SNTG1: variants seen among roughly 807,000 people sequenced by gnomAD.
SNTG1 encodes the protein syntrophin gamma 1.
SNTG1 carries 39 observed loss-of-function variants against 74.7 expected under a neutral mutation model. That is an observed-to-expected ratio of 0.52 (90% CI 0.40 to 0.68). The LOEUF (loss-of-function observed/expected upper bound fraction) is 0.68, where lower values mean the gene tolerates loss of function less well. SNTG1 is among the 30% of genes least tolerant of loss of function. The pLI is 0.00. For synonymous variants in SNTG1, 254 were observed against 217.1 expected, an observed-to-expected ratio of 1.17 and a Z score of -1.49; for missense variants, 685 against 609.5, an observed-to-expected ratio of 1.12 and a Z score of -1.30.
At chr8:50,764,418 A>T (rs1415555317) in intron 18 of SNTG1, among the ~76,000 whole-genome samples, 1 of 151,970 alleles carries the variant, frequency 6.6e-6, no homozygotes, top group African/African-American at 2.4e-5. Flanking sequence ...AAACAACTTC[A>T]AAGTACAAAA....
rs185038726 is a variant in SNTG1 at position 50,011,304 on chromosome 8, G to T, written c.-103+99073G>T. Among the ~76,000 whole-genome samples, 22 of 152,058 alleles carry T rather than the reference G, an allele frequency of 1.4e-4. 1 individual carries two copies. Among genetic ancestry groups the T allele is most frequent in the Non-Finnish European group, 2.9e-5 (2 of 68,008 alleles). On this transcript the variant is annotated intron_variant, in intron 1 of 18. Transcript: ENST00000642720. ...AGCAAATAAAATTTTAAAATACCCC[G>T]TTAAAGATTCTTGAAGGATGAAAAT...
intron 4 of SNTG1, among the ~76,000 whole-genome samples, chr8:50,406,736 T>C (rs1012606655): frequency 3.3e-5 from 5 of 152,220 alleles, no homozygotes; most frequent in African/African-American, 1.2e-4. Flanking sequence ...GAGGCAGTTT[T>C]GAATGTTATC....
chr8:50,258,974 T>C (rs1021705678), intron 2 of SNTG1, among the ~76,000 whole-genome samples: 19 of 151,778 alleles, frequency 1.3e-4, no homozygotes, highest in African/African-American at 4.1e-4. Context: ...ACAGGAAAAA[T>C]GAAAAGAGAC....
At chr8:50,023,033 A>T (rs1261449959) in intron 1 of SNTG1, among the ~76,000 whole-genome samples, 1 of 152,216 alleles carries the variant, frequency 6.6e-6, no homozygotes, top group Non-Finnish European at 1.5e-5. Context: ...AATATACGAT[A>T]GGAAAACTAT....
chr8:50,427,754 A>T (rs2093181561), intron 4 of SNTG1, among the ~76,000 whole-genome samples: 1 of 151,888 alleles, frequency 6.6e-6, no homozygotes, highest in Admixed American at 6.5e-5. Flanking sequence ...AATAATTTAA[A>T]AATATTCTCA....
intron 4 of SNTG1, among the ~76,000 whole-genome samples, chr8:50,424,818 A>G (rs2093141036): frequency 6.6e-6 from 1 of 152,230 alleles, no homozygotes; most frequent in African/African-American, 2.4e-5. Context: ...TTCAAAAGCC[A>G]TTTAGGAGCT....
chr8:50,630,049 C>A (rs986908849), intron 13 of SNTG1, among the ~76,000 whole-genome samples: 1 of 152,092 alleles, frequency 6.6e-6, no homozygotes, highest in Non-Finnish European at 1.5e-5. Flanking sequence ...CAATTACTTT[C>A]AAGATTAAAT....
chr8:50,465,553 T>C (rs59627318), intron 8 of SNTG1, among the ~76,000 whole-genome samples: 4,809 of 152,276 alleles, frequency 0.032, 249 homozygotes, highest in African/African-American at 0.11. Flanking sequence ...TGTTACAATG[T>C]CATACAGAAT....
intron 1 of SNTG1, among the ~76,000 whole-genome samples, chr8:50,014,082 G>A (rs1395919188): frequency 1.3e-5 from 2 of 152,126 alleles, no homozygotes; most frequent in Admixed American, 6.6e-5. Flanking sequence ...CAGGCCCGGT[G>A]ATGTTTTAAG....
chr8:49,923,046 G>C (rs546357498), intron 1 of SNTG1, among the ~76,000 whole-genome samples: 2 of 151,946 alleles, frequency 1.3e-5, no homozygotes, highest in Non-Finnish European at 2.9e-5. Flanking sequence ...ATTGTTTAAG[G>C]CCCTTTTTCT....
intron 18 of SNTG1, chr8:50,762,512 G>A: frequency 8.0e-6 from 3 of 373,118 alleles, no homozygotes; most frequent in South Asian, 6.9e-5. Context: ...TTTGAGATAA[G>A]CTATCAAGTC....
chr8:50,608,316 C>T (rs1438537804), intron 13 of SNTG1, among the ~76,000 whole-genome samples: 2 of 151,578 alleles, frequency 1.3e-5, no homozygotes, highest in Non-Finnish European at 3.0e-5. Context: ...CTCCAACTCT[C>T]ATTTAAAAAT....
intron 1 of SNTG1, among the ~76,000 whole-genome samples, chr8:50,006,750 G>A (rs1013751362): frequency 1.3e-5 from 2 of 152,134 alleles, no homozygotes; most frequent in African/African-American, 4.8e-5. Context: ...ATGCAGGCCA[G>A]GTTGCTGGTG....
At chr8:50,082,269 C>A (rs1348599189) in intron 1 of SNTG1, among the ~76,000 whole-genome samples, 2 of 152,060 alleles carry the variant, frequency 1.3e-5, no homozygotes, top group Non-Finnish European at 2.9e-5. Flanking sequence ...TTGACAGAGA[C>A]AAAAATCTAT....
At chr8:49,934,100 T>C (rs1257008776) in intron 1 of SNTG1, among the ~76,000 whole-genome samples, 1 of 152,150 alleles carries the variant, frequency 6.6e-6, no homozygotes, top group Admixed American at 6.6e-5. Context: ...AAGTCTCTTA[T>C]CTAGTTAGGA....
intron 4 of SNTG1, among the ~76,000 whole-genome samples, chr8:50,421,997 C>G (rs1346207315): frequency 6.6e-6 from 1 of 152,082 alleles, no homozygotes; most frequent in African/African-American, 2.4e-5. Context: ...CAGACCAAGC[C>G]TCTATAGAGT....
At chr8:50,128,190 A>C (rs2081206027) in intron 1 of SNTG1, among the ~76,000 whole-genome samples, 1 of 152,170 alleles carries the variant, frequency 6.6e-6, no homozygotes, top group Non-Finnish European at 1.5e-5. Flanking sequence ...GCTTATCCCA[A>C]GATCGGTACT....
At chr8:50,730,132 T>C (rs2095509573) in intron 17 of SNTG1, among the ~76,000 whole-genome samples, 1 of 152,166 alleles carries the variant, frequency 6.6e-6, no homozygotes, top group Admixed American at 6.6e-5. Context: ...AAATATACTT[T>C]GGAAATGATA....
chr8:50,007,177 G>A (rs1377589759), intron 1 of SNTG1, among the ~76,000 whole-genome samples: 1 of 152,130 alleles, frequency 6.6e-6, no homozygotes. Flanking sequence ...TGTGGTATGA[G>A]ACTAGCTGAT....
Sources: allele counts gnomAD v4.1 joint callset (sites outside exome capture counted in the v4.1 genomes callset), GRCh38; gene constraint gnomAD v4.1.1; transcripts MANE v1.5; gene names NCBI Gene and HGNC (gene_info 2026-07-23, HGNC 2026-07-21).